The following DOCK4 variants were observed in gnomAD, a reference collection of about 807,000 sequenced individuals.
DOCK4 encodes dedicator of cytokinesis protein 4.
In DOCK4, 97 loss-of-function variants were observed where a neutral mutation model predicts 268.1. The ratio of observed to expected loss-of-function variants is 0.36; its 90% CI spans 0.31 to 0.43. The LOEUF is 0.43. Ranked by LOEUF, DOCK4 falls within the 20% of genes least tolerant of loss-of-function variation. DOCK4 has a pLI of 1.00. For missense variants in DOCK4, 2,145 were observed against 2,455.7 expected, an observed-to-expected ratio of 0.87 and a Z score of 2.67; for synonymous variants, 954 against 887.2, an observed-to-expected ratio of 1.08 and a Z score of -1.34.
At chr7:112,096,123 T>G (rs1429364351) in intron 1 of DOCK4, among the ~76,000 whole-genome samples, 1 of 152,120 alleles carries the variant, frequency 6.6e-6, no homozygotes, top group African/African-American at 2.4e-5. Context: ...AAATAGGGTC[T>G]TTTGAAGAAA....
rs1367055121 is a variant in DOCK4, at chr7:111,732,282, G to C, written c.5425C>G (p.Pro1809Ala). 6.2e-7 allele frequency: 1 copy of C among 1,613,872 alleles called. No individual in the cohort carries two copies. Residue 1809 changes from proline (P) to alanine (A), a missense_variant, in exon 52 of 53, where the codon CCA (proline) becomes GCA (alanine). By Grantham distance (27) the Pro-to-Ala change is conservative. Coordinates refer to ENST00000428084, the MANE Select transcript of DOCK4 (RefSeq NM_001363540.2). ...VPPRPTQTAS[P>A]ARHTTSVSPS... ...GATACTGATGTCGTGTGTCTTGCTG[G>C]TGAAGCTGTCAATGGGGAGAGAGAT...
At chr7:111,760,074 T>C (rs1797280951) in intron 40 of DOCK4, 107 bp downstream of exon 40, 7 of 1,366,454 alleles carry the variant, frequency 5.1e-6, no homozygotes, top group East Asian at 4.6e-5. Context: ...GCAGTAACGA[T>C]GTGGCTATTG....
At chr7:112,108,319 T>C (rs183385500) in intron 1 of DOCK4, among the ~76,000 whole-genome samples, 2 of 152,310 alleles carry the variant, frequency 1.3e-5, no homozygotes, top group Admixed American at 6.5e-5. Flanking sequence ...CAAAACACTA[T>C]ACTAGAGTGA....
intron 8 of DOCK4, among the ~76,000 whole-genome samples, chr7:111,958,371 T>A (rs1415507251): frequency 6.6e-6 from 1 of 152,144 alleles, no homozygotes; most frequent in Non-Finnish European, 1.5e-5. Context: ...CCTTGTGAGG[T>A]GGGTTGCTAA....
At chr7:112,146,609 A>G (rs1032953963) in intron 1 of DOCK4, among the ~76,000 whole-genome samples, 1 of 151,966 alleles carries the variant, frequency 6.6e-6, no homozygotes, top group Non-Finnish European at 1.5e-5. Flanking sequence ...GCGTGCACCT[A>G]TAGTCCCAGC....
chr7:111,812,064 C>A, intron 27 of DOCK4, 115 bp from the exon 28 acceptor site: 2 of 543,384 alleles, frequency 3.7e-6, no homozygotes, highest in East Asian at 3.2e-5. Flanking sequence ...GCATCTGGAG[C>A]AATATTAAAT....
intron 1 of DOCK4, among the ~76,000 whole-genome samples, chr7:112,159,934 A>G (rs1260379733): frequency 6.6e-6 from 1 of 151,710 alleles, no homozygotes; most frequent in Non-Finnish European, 1.5e-5. Flanking sequence ...CCCGAATCCC[A>G]AATCCCAAAA....
At chr7:112,064,185 T>C (rs1328461864) in intron 1 of DOCK4, among the ~76,000 whole-genome samples, 1 of 152,190 alleles carries the variant, frequency 6.6e-6, no homozygotes, top group Non-Finnish European at 1.5e-5. Flanking sequence ...AATGTGGTTC[T>C]AGGGTTGGCG....
At chr7:112,133,121 T>A (rs1813956570) in intron 1 of DOCK4, among the ~76,000 whole-genome samples, 1 of 152,186 alleles carries the variant, frequency 6.6e-6, no homozygotes, top group Non-Finnish European at 1.5e-5. Flanking sequence ...AATCCCAGAA[T>A]AGGGATACAG....
At chr7:111,924,370 T>C (rs1233519867) in intron 12 of DOCK4, among the ~76,000 whole-genome samples, 1 of 152,048 alleles carries the variant, frequency 6.6e-6, no homozygotes, top group Admixed American at 6.6e-5. Context: ...CCAGGGGAAA[T>C]GTGATATGCT....
At chr7:111,948,947 T>G (rs1296981990) in intron 8 of DOCK4, among the ~76,000 whole-genome samples, 1 of 152,100 alleles carries the variant, frequency 6.6e-6, no homozygotes, top group Admixed American at 6.6e-5. Flanking sequence ...ATTATTTTAT[T>G]AAACAAACAC....
At chr7:112,030,195 C>T (rs1005457469) in intron 1 of DOCK4, among the ~76,000 whole-genome samples, 2 of 152,182 alleles carry the variant, frequency 1.3e-5, no homozygotes, top group African/African-American at 4.8e-5. Flanking sequence ...GGGAGTGTAA[C>T]AGCAAGCATA....
At chr7:111,917,283 G>GC (rs1251252010) in intron 12 of DOCK4, among the ~76,000 whole-genome samples, 3 of 151,708 alleles carry the variant, frequency 2.0e-5, no homozygotes, top group Non-Finnish European at 4.4e-5. Flanking sequence ...ACCGCGCCTG[G>GC]CCTCTATGCT....
chr7:112,032,905 A>G (rs889355998), intron 1 of DOCK4, among the ~76,000 whole-genome samples: 31 of 152,332 alleles, frequency 2.0e-4, no homozygotes, highest in African/African-American at 7.5e-4. Context: ...GAAAGAAAAA[A>G]GTATCTTTTT....
At chr7:112,196,492 A>T (rs1820459113) in intron 1 of DOCK4, among the ~76,000 whole-genome samples, 1 of 151,976 alleles carries the variant, frequency 6.6e-6, no homozygotes, top group Admixed American at 6.6e-5. Context: ...CCACCCACCT[A>T]CCCACCTTCC....
At chr7:112,180,035 G>A (rs2729544) in intron 1 of DOCK4, among the ~76,000 whole-genome samples, 105,316 of 152,048 alleles carry the variant, frequency 0.69, 37,505 homozygotes, top group African/African-American at 0.83. Flanking sequence ...AAAGTCTAAA[G>A]TAGAACATAA....
Position 111,935,510 on chromosome 7 carries a change from T to C in DOCK4, c.1066+30A>G, listed in dbSNP as rs1344838218. On this transcript the variant is annotated intron_variant, in intron 12 of 52. Transcript: ENST00000428084. ...AAAAAAGGGCTTGGAACGAAAAGTG[T>C]AGGGAAAGTCAGCCAGCCCATACAC... is the stretch of plus-strand genomic sequence containing the variant. 5 of 1,600,324 alleles carry C rather than the reference T, an allele frequency of 3.1e-6. No individual in the cohort carries two copies. In the East Asian group the frequency reaches 8.9e-5, roughly 29 times the overall value.
intron 1 of DOCK4, among the ~76,000 whole-genome samples, chr7:112,205,027 T>C (rs1427985607): frequency 6.6e-6 from 1 of 152,094 alleles, no homozygotes; most frequent in Non-Finnish European, 1.5e-5. Flanking sequence ...GCTGCAGCCT[T>C]GTCGGAGAGC....
chr7:111,919,786 T>C (rs1440746772), intron 12 of DOCK4, among the ~76,000 whole-genome samples: 1 of 152,150 alleles, frequency 6.6e-6, no homozygotes, highest in Non-Finnish European at 1.5e-5. Flanking sequence ...AACCACAACA[T>C]ATGACTAAGA....
Sources: gnomAD v4.1 joint callset for allele counts (sites outside exome capture counted in the v4.1 genomes callset) on GRCh38, gnomAD v4.1.1 for gene constraint, MANE v1.5 for transcripts, NCBI Gene and HGNC (gene_info 2026-07-23, HGNC 2026-07-21) for gene names.